Variants in TENM3 observed in about 807,000 individuals in gnomAD.
TENM3 encodes teneurin-3.
TENM3 carries 63 observed loss-of-function variants against 255.1 expected under a neutral mutation model. That is an observed-to-expected ratio of 0.25 (90% confidence interval 0.20 to 0.30). The LOEUF is 0.30. Among genes scored for constraint, TENM3 ranks in the 10% least tolerant of loss-of-function variants. The pLI is 1.00. For synonymous variants in TENM3, 1,306 were observed against 1,322.3 expected (o/e 0.99, Z 0.27); for missense variants, 2,929 against 3,461.1 (o/e 0.85, Z 3.86).
chr4:182,749,790 A>G (rs1762249029), intron 19 of TENM3, among the ~76,000 whole-genome samples: 1 of 152,234 alleles, frequency 6.6e-6, no homozygotes, highest in Non-Finnish European at 1.5e-5. Flanking sequence ...TTATGTATAC[A>G]CATGAGTGTA....
the TENM3 span, among the ~76,000 whole-genome samples, chr4:181,745,689 G>T: frequency 6.6e-6 from 1 of 152,148 alleles, no homozygotes; most frequent in Non-Finnish European, 1.5e-5. Flanking sequence ...CGTTTTATTT[G>T]TTAATGCTAT....
chr4:181,825,859 C>A, the TENM3 span, among the ~76,000 whole-genome samples: 6 of 152,088 alleles, frequency 3.9e-5, no homozygotes, highest in Non-Finnish European at 5.9e-5. Flanking sequence ...AATGAAAAAA[C>A]CAATTCCTCC....
chr4:182,206,880 T>G (rs2149862093), intron 1 of TENM3, among the ~76,000 whole-genome samples: 1 of 152,304 alleles, frequency 6.6e-6, no homozygotes, highest in South Asian at 2.1e-4. Context: ...CGTTCTTTCT[T>G]TCTCTCTCTT....
chr4:181,860,985 G>C, the TENM3 span, among the ~76,000 whole-genome samples: 5 of 152,064 alleles, frequency 3.3e-5, no homozygotes, highest in Non-Finnish European at 5.9e-5. Flanking sequence ...ACAAACAGGG[G>C]TTGATATCGA....
At chr4:182,177,874 C>T (rs1752597753) in intron 1 of TENM3, among the ~76,000 whole-genome samples, 1 of 151,360 alleles carries the variant, frequency 6.6e-6, no homozygotes, top group South Asian at 2.1e-4. Flanking sequence ...TTAAATGATT[C>T]CTGAGAAGTC....
chr4:182,669,549 C>T (rs184573941), intron 6 of TENM3, among the ~76,000 whole-genome samples: 94 of 152,094 alleles, frequency 6.2e-4, no homozygotes, highest in African/African-American at 2.0e-3. Flanking sequence ...GGATTACAGG[C>T]GTGAGCCACC....
chr4:181,650,423 G>A, the TENM3 span, among the ~76,000 whole-genome samples: 1 of 152,178 alleles, frequency 6.6e-6, no homozygotes, highest in Non-Finnish European at 1.5e-5. Context: ...TGTAGGGCTT[G>A]TTAGACCTTT....
intron 4 of TENM3, among the ~76,000 whole-genome samples, chr4:182,620,014 G>T (rs974938334): frequency 1.6e-4 from 25 of 152,136 alleles, no homozygotes; most frequent in African/African-American, 5.6e-4. Context: ...GAAAATTTCT[G>T]CCTTTATTCT....
chr4:182,481,517 G>A (rs944120024), intron 3 of TENM3, among the ~76,000 whole-genome samples: 6 of 152,066 alleles, frequency 3.9e-5, no homozygotes, highest in Non-Finnish European at 7.4e-5. Context: ...ATTATAGGCC[G>A]GGCACGGTGG....
At chr4:182,335,984 T>C (rs1764113428) in intron 2 of TENM3, among the ~76,000 whole-genome samples, 1 of 152,174 alleles carries the variant, frequency 6.6e-6, no homozygotes, top group Admixed American at 6.5e-5. Context: ...ACATCCCTAC[T>C]ATACAGCCCC....
At chr4:182,302,502 T>C (rs914942891) in intron 1 of TENM3, among the ~76,000 whole-genome samples, 19 of 152,166 alleles carry the variant, frequency 1.2e-4, no homozygotes, top group Admixed American at 1.0e-3. Flanking sequence ...GTAAGACAAG[T>C]AGCATAGGAT....
At chr4:181,851,315 A>C in the TENM3 span, among the ~76,000 whole-genome samples, 1 of 152,134 alleles carries the variant, frequency 6.6e-6, no homozygotes. Flanking sequence ...CAACCCATAC[A>C]ACATAGTCGA....
chr4:181,575,731 C>T, the TENM3 span, among the ~76,000 whole-genome samples: 2 of 152,146 alleles, frequency 1.3e-5, no homozygotes, highest in African/African-American at 4.8e-5. Context: ...ATTTGGGGTT[C>T]AACTCCTTTT....
intron 5 of TENM3, among the ~76,000 whole-genome samples, chr4:182,646,594 T>C (rs910804559): frequency 1.3e-5 from 2 of 151,968 alleles, no homozygotes; most frequent in Non-Finnish European, 1.5e-5. Flanking sequence ...ATAGAAAAAT[T>C]AGCTGGATGT....
At chr4:181,494,958 G>A in the TENM3 span, among the ~76,000 whole-genome samples, 43 of 152,006 alleles carry the variant, frequency 2.8e-4, no homozygotes, top group African/African-American at 9.4e-4. Context: ...CATCTTGTTC[G>A]GAGAAGTTAT....
the TENM3 span, among the ~76,000 whole-genome samples, chr4:181,629,130 T>C: frequency 1.3e-5 from 2 of 152,240 alleles, no homozygotes; most frequent in African/African-American, 4.8e-5. Context: ...GATTTGGCTC[T>C]CTGTTTGTCT....
the TENM3 span, among the ~76,000 whole-genome samples, chr4:181,972,862 T>A: frequency 1.3e-5 from 2 of 152,242 alleles, no homozygotes; most frequent in Non-Finnish European, 2.9e-5. Context: ...GGGATTCCTA[T>A]TCATTACACA....
chr4:182,730,288 T>G lies in TENM3; in HGVS notation c.2674T>G (p.Tyr892Asp), dbSNP rs1760584205. The change falls in exon 15 of 28, where the codon TAT becomes GAT. Residue 892 changes from tyrosine to aspartate, a missense_variant. Transcript: ENST00000511685. ...VNVSFFHYPEYGYTITRQDGM... is the reference protein window; with the variant it reads ...VNVSFFHYPEDGYTITRQDGM... The stretch of plus-strand genomic sequence containing the variant: ...TGTCTCGTTTTTCCATTACCCAGAA[T>G]ATGGATATACTATTACCCGCCAGGA... The G allele has an allele frequency of 2.5e-6, 4 of 1,613,806 alleles. No individual in the cohort carries two copies. Among genetic ancestry groups the G allele is most frequent in the Non-Finnish European group, 3.4e-6 (4 of 1,179,792 alleles).
At chr4:181,883,861 A>G in the TENM3 span, among the ~76,000 whole-genome samples, 11 of 152,188 alleles carry the variant, frequency 7.2e-5, no homozygotes, top group Non-Finnish European at 1.2e-4. Flanking sequence ...AAATATGCCA[A>G]TCCTAAGATG....
Sources: allele counts gnomAD v4.1 joint callset (sites outside exome capture counted in the v4.1 genomes callset), GRCh38; gene constraint gnomAD v4.1.1; transcripts MANE v1.5; gene names NCBI Gene and HGNC (gene_info 2026-07-23, HGNC 2026-07-21).